The following USP40 variants were observed in gnomAD, a reference collection of about 807,000 sequenced individuals.
USP40 encodes ubiquitin specific peptidase 40.
In USP40, 143 loss-of-function variants were observed where a neutral mutation model predicts 166.2. The observed-to-expected ratio is 0.86, with a 90% CI of 0.75 to 0.99. USP40 has a LOEUF of 0.99. USP40 is among the 50% of genes least tolerant of loss of function. The pLI is 0.00. For synonymous variants in USP40, 498 were observed against 524.0 expected (o/e 0.95, Z 0.68); for missense variants, 1,444 against 1,479.7 (o/e 0.98, Z 0.40).
intron 5 of USP40, 144 bp from the exon 6 acceptor site, chr2:233,554,670 G>A: frequency 1.8e-6 from 1 of 565,564 alleles, no homozygotes; most frequent in Non-Finnish European, 2.7e-6. Flanking sequence ...ATTAGATGTT[G>A]TGAAGTTCAT....
At chr2:233,509,716 C>G (rs546913134) in intron 21 of USP40, among the ~76,000 whole-genome samples, 10 of 151,630 alleles carry the variant, frequency 6.6e-5, no homozygotes, top group Non-Finnish European at 1.2e-4. Context: ...TAGTAGGTAA[C>G]TGTAATCCCA....
At chr2:233,491,484 A>G (rs1181203734) in intron 25 of USP40, 3 of 562,494 alleles carry the variant, frequency 5.3e-6, no homozygotes, top group Non-Finnish European at 9.6e-6. Context: ...CCTACCTTGA[A>G]TGTACTTTTC....
At chr2:233,513,134 C>G (rs2066946536) in intron 18 of USP40, among the ~76,000 whole-genome samples, 1 of 152,092 alleles carries the variant, frequency 6.6e-6, no homozygotes, top group South Asian at 2.1e-4. Context: ...GGTTTCTTCT[C>G]ATTGCATAGC....
intron 21 of USP40, among the ~76,000 whole-genome samples, chr2:233,500,972 T>C (rs569307292): frequency 1.4e-3 from 217 of 152,296 alleles, no homozygotes; most frequent in African/African-American, 4.6e-3. Context: ...CCAAGGGGGA[T>C]TGTTAATCCC....
rs371919641 is a variant in USP40, at chr2:233,485,900, C to T, written c.3275G>A (p.Trp1092Ter). 2.5e-6 allele frequency: 4 copies of T among 1,602,886 alleles called. No individual in the cohort carries two copies. The highest frequency in any genetic ancestry group is 3.4e-6 in the Non-Finnish European group (4 of 1,175,360). Residue 1092 changes from tryptophan (W) to a stop codon, truncating the protein, a stop_gained, in exon 29 of 32, where the codon TGG (tryptophan) becomes TAG (stop). Coordinates refer to ENST00000678225, the MANE Select transcript of USP40 (RefSeq NM_001365479.2). LOFTEE classifies it high-confidence loss of function. The stretch of plus-strand genomic sequence containing the variant: ...GGCAGTCCCACCCTGGGCCGCGTTC[C>T]ACACCAGGTCCAGGGCAGGGGCATA... The part of the protein sequence containing the change: ...RTYAPALDLV[W>*]NAAQGGTAGS...
intron 24 of USP40, among the ~76,000 whole-genome samples, chr2:233,495,063 G>T (rs2065668137): frequency 6.8e-6 from 1 of 147,058 alleles, no homozygotes; most frequent in Admixed American, 6.9e-5. Flanking sequence ...ACAAAAGACT[G>T]GAAATGACCT....
At chr2:233,552,469 A>C (rs991507973) in intron 6 of USP40, among the ~76,000 whole-genome samples, 4 of 152,176 alleles carry the variant, frequency 2.6e-5, no homozygotes, top group African/African-American at 9.6e-5. Flanking sequence ...TCCACTGAAA[A>C]AGAATTAAAG....
chr2:233,479,929 C>T (rs1235420887), intron 31 of USP40, among the ~76,000 whole-genome samples: 1 of 151,406 alleles, frequency 6.6e-6, no homozygotes, highest in East Asian at 1.9e-4. Context: ...GCGGAGCTCA[C>T]ACAGTCCCTA....
intron 7 of USP40, among the ~76,000 whole-genome samples, chr2:233,549,937 T>C (rs896708736): frequency 6.6e-6 from 1 of 152,054 alleles, no homozygotes; most frequent in Non-Finnish European, 1.5e-5. Context: ...AGAAACAAAA[T>C]AAAATAAAAA....
intron 10 of USP40, among the ~76,000 whole-genome samples, chr2:233,535,813 T>A (rs2068894771): frequency 1.3e-5 from 2 of 152,256 alleles, no homozygotes; most frequent in East Asian, 3.9e-4. Flanking sequence ...GAATAAGTTG[T>A]TTTTCTTAAA....
intron 18 of USP40, among the ~76,000 whole-genome samples, chr2:233,515,021 C>A (rs2067090167): frequency 6.6e-6 from 1 of 152,172 alleles, no homozygotes; most frequent in Non-Finnish European, 1.5e-5. Flanking sequence ...TCTTTTGCAT[C>A]TACTTTCTTT....
chr2:233,525,727 G>A (rs1205562272), intron 13 of USP40, among the ~76,000 whole-genome samples, 165 bp from the exon 14 acceptor site: 1 of 152,198 alleles, frequency 6.6e-6, no homozygotes, highest in African/African-American at 2.4e-5. Flanking sequence ...GGCATCACTT[G>A]TTAAATTAGT....
chr2:233,529,606 G>GCTTTCCTAGCTC, intron 11 of USP40, 94 bp from the exon 12 acceptor site: 2 of 738,158 alleles, frequency 2.7e-6, no homozygotes, highest in Non-Finnish European at 4.2e-6. Context: ...TGTCCTAGGA[G>GCTTTCCTAGCTC]CTAGGAAAGC....
intron 5 of USP40, 100 bp from the exon 6 acceptor site, chr2:233,554,626 C>A (rs1009907563): frequency 2.2e-6 from 2 of 908,330 alleles, no homozygotes; most frequent in Non-Finnish European, 1.5e-6. Flanking sequence ...TATATGTTTT[C>A]TAAAACATTA....
chr2:233,558,001 C>CAA (rs71058563), intron 4 of USP40, among the ~76,000 whole-genome samples: 1,020 of 50,892 alleles, frequency 0.02, 48 homozygotes, highest in African/African-American at 0.03. Context: ...GACCTCATCT[C>CAA]AAAAAAAAAA....
chr2:233,562,881 CT>C, intron 2 of USP40, 78 bp from the exon 3 acceptor site: 3 of 1,104,212 alleles, frequency 2.7e-6, no homozygotes, highest in South Asian at 1.5e-5. Context: ...CCAAGACCAC[CT>C]TTAAGTAAAA....
In USP40 at chr2:233,524,530, C is replaced by T; in HGVS notation, c.1843G>A (p.Ala615Thr). Residue 615 changes from alanine to threonine, a missense_variant, in exon 15 of 32, where the codon GCT becomes ACT. Ala to Thr is a moderately conservative substitution (Grantham distance 58). Transcript: ENST00000678225. ...DELTLCETEIADGEDIFVWNG... is the reference protein window; with the variant it reads ...DELTLCETEITDGEDIFVWNG... ...CACACAAAGATGTCTTCCCCATCAG[C>T]AATTTCAGTTTCACACAGTGTCAGT... is the stretch of plus-strand genomic sequence containing the variant. 1 of 1,606,880 alleles carries T rather than the reference C, an allele frequency of 6.2e-7. No individual in the cohort carries two copies. The highest frequency in any genetic ancestry group is 8.5e-7 in the Non-Finnish European group (1 of 1,177,220).
intron 30 of USP40, among the ~76,000 whole-genome samples, chr2:233,482,119 G>A (rs150496301): frequency 6.6e-6 from 1 of 152,334 alleles, no homozygotes; most frequent in East Asian, 1.9e-4. Flanking sequence ...CCCCGCCTCT[G>A]CTAGGAACAT....
chr2:233,512,770 A>G (rs1157608521), intron 18 of USP40, 148 bp from the exon 19 acceptor site: 2 of 387,480 alleles, frequency 5.2e-6, no homozygotes, highest in African/African-American at 2.1e-5. Context: ...AGAAAACTAC[A>G]GAAAGCTAAA....
Sources: gnomAD v4.1 joint callset for allele counts (sites outside exome capture counted in the v4.1 genomes callset) on GRCh38, gnomAD v4.1.1 for gene constraint, MANE v1.5 for transcripts, NCBI Gene and HGNC (gene_info 2026-07-23, HGNC 2026-07-21) for gene names.